ACBD6: variants seen among roughly 807,000 people sequenced by gnomAD.
ACBD6 encodes the protein acyl-CoA binding domain containing 6, also known as acyl-CoA-binding domain-containing protein 6.
ACBD6 carries 28 observed loss-of-function variants against 37.2 expected under a neutral mutation model. The ratio of observed to expected loss-of-function variants is 0.75; its 90% CI spans 0.56 to 1.03. The LOEUF (loss-of-function observed/expected upper bound fraction) is 1.03, where lower values mean the gene tolerates loss of function less well. Among genes scored for constraint, ACBD6 ranks in the 50% least tolerant of loss-of-function variants. The pLI is 0.00. For missense variants in ACBD6, 340 were observed against 337.4 expected, an observed-to-expected ratio of 1.01 and a Z score of -0.06; for synonymous variants, 113 against 126.8, an observed-to-expected ratio of 0.89 and a Z score of 0.73.
At chr1:180,375,257 T>G (rs1366424876) in intron 6 of ACBD6, among the ~76,000 whole-genome samples, 1 of 152,168 alleles carries the variant, frequency 6.6e-6, no homozygotes, top group African/African-American at 2.4e-5. Flanking sequence ...GAAGAGGTTA[T>G]GAAGTCCAAA....
intron 3 of ACBD6, among the ~76,000 whole-genome samples, chr1:180,490,219 T>G (rs1651439417): frequency 6.6e-6 from 1 of 152,212 alleles, no homozygotes; most frequent in Admixed American, 6.5e-5. Context: ...TGAGTTCAGC[T>G]CAGGGGGCAC....
In ACBD6 at chr1:180,333,411, G is replaced by C. The variant is rs377575834; in HGVS notation, c.664-18689C>G. Among the ~76,000 whole-genome samples, 23 of 152,256 alleles carry C rather than the reference G, an allele frequency of 1.5e-4. No individual in the cohort carries two copies. In the East Asian group the frequency reaches 4.4e-3, roughly 29 times the overall value. On this transcript the variant is annotated intron_variant, in intron 6 of 7. Transcript: ENST00000367595. ...ATTGCATGCTCATGACAATGAGTAT[G>C]AAAAAGGCAAATAATGTCTTGGAAT...
At chr1:180,462,250 A>G (rs78190177) in intron 3 of ACBD6, among the ~76,000 whole-genome samples, 1 of 152,156 alleles carries the variant, frequency 6.6e-6, no homozygotes, top group African/African-American at 2.4e-5. Context: ...AATAAAAAAA[A>G]AAGTAAATGG....
chr1:180,387,169 T>C (rs963274089), intron 6 of ACBD6, among the ~76,000 whole-genome samples: 9 of 152,196 alleles, frequency 5.9e-5, no homozygotes, highest in Non-Finnish European at 1.2e-4. Flanking sequence ...TGTGAAAATG[T>C]AGGCACTATT....
At chr1:180,430,126 TGCACAC>T in intron 4 of ACBD6, 48 bp downstream of exon 4, 1 of 1,457,894 alleles carries the variant, frequency 6.9e-7, no homozygotes. Context: ...TACAAACACA[TGCACAC>T]ACACAGGCAT....
intron 10 of ACBD6, chr1:180,274,128 C>A: frequency 6.2e-7 from 1 of 1,603,140 alleles, no homozygotes; most frequent in South Asian, 1.1e-5. Context: ...TTGTGAAGAG[C>A]AGGGGACCAT....
chr1:180,285,872 C>T (rs1177920569), downstream of ACBD6, among the ~76,000 whole-genome samples: 1 of 151,102 alleles, frequency 6.6e-6, no homozygotes, highest in African/African-American at 2.4e-5. Context: ...TACCCTTCTA[C>T]CTGACAAGCA....
chr1:180,382,650 C>T (rs1040838030), intron 6 of ACBD6, among the ~76,000 whole-genome samples: 1 of 152,124 alleles, frequency 6.6e-6, no homozygotes, highest in African/African-American at 2.4e-5. Context: ...CACCAGTTCT[C>T]AAACCATTCT....
chr1:180,287,554 G>C (rs2764461), downstream of ACBD6, among the ~76,000 whole-genome samples: 870 of 138,660 alleles, frequency 6.3e-3, 9 homozygotes, highest in African/African-American at 0.021. Flanking sequence ...TAGACCCAAA[G>C]AGACCTAACA....
In ACBD6 at chr1:180,288,465, A is replaced by T. The variant is rs1406510847; in HGVS notation, c.747T>A (p.Ala249=). The T allele has an allele frequency of 6.2e-7, 1 of 1,613,840 alleles. No homozygotes were observed. Among genetic ancestry groups the T allele is most frequent in the Admixed American group, 1.7e-5 (1 of 59,980 alleles). The change falls in exon 8 of 8, where the codon GCT becomes GCA. Residue 249 remains alanine (A), a synonymous_variant. Transcript: ENST00000367595. ...DIVELLLQSG[A]DPTLRDQDGC... is the part of the protein sequence containing the mutation. ...CATCCTGGTCTCGGAGAGTGGGGTC[A>T]GCACCAGACTGGAGCAGCAGCTCTA...
chr1:180,328,143 G>C (rs939179684), intron 6 of ACBD6, among the ~76,000 whole-genome samples: 2 of 151,998 alleles, frequency 1.3e-5, no homozygotes, highest in Non-Finnish European at 2.9e-5. Flanking sequence ...GCATAAAATT[G>C]TGTAGCCCCT....
At chr1:180,467,505 C>T (rs1431896029) in intron 3 of ACBD6, among the ~76,000 whole-genome samples, 2 of 147,774 alleles carry the variant, frequency 1.4e-5, no homozygotes, top group African/African-American at 2.5e-5. Flanking sequence ...CTTAAATTAG[C>T]TGTACATGGT....
intron 3 of ACBD6, among the ~76,000 whole-genome samples, chr1:180,458,709 A>C (rs756352774): frequency 1.3e-5 from 2 of 152,206 alleles, no homozygotes; most frequent in African/African-American, 4.8e-5. Context: ...ATGAAAAGTT[A>C]TATCAAATGG....
At chr1:180,391,194 T>C (rs981491929) in intron 6 of ACBD6, among the ~76,000 whole-genome samples, 1 of 151,936 alleles carries the variant, frequency 6.6e-6, no homozygotes, top group African/African-American at 2.4e-5. Flanking sequence ...ATCAAAGACT[T>C]CAATGTAAGA....
chr1:180,348,395 C>A (rs1652275256), intron 6 of ACBD6, among the ~76,000 whole-genome samples: 1 of 152,074 alleles, frequency 6.6e-6, no homozygotes, highest in Non-Finnish European at 1.5e-5. Flanking sequence ...ATGATCAGTC[C>A]TGGGGTTCAG....
At chr1:180,321,252 C>T (rs558607145) in intron 6 of ACBD6, among the ~76,000 whole-genome samples, 9 of 152,088 alleles carry the variant, frequency 5.9e-5, no homozygotes, top group Non-Finnish European at 1.5e-5. Flanking sequence ...TCTTTTTGCT[C>T]AGCATAGCTT....
At position 180,502,402 on chromosome 1, in the gene ACBD6, G is replaced by A. The variant is rs951718826; in HGVS notation, c.-136C>T. 4 of 933,756 alleles carry A rather than the reference G, an allele frequency of 4.3e-6. No homozygotes were observed. Among genetic ancestry groups the A allele is most frequent in the South Asian group, 4.2e-5 (3 of 71,000 alleles). 57.8% of individuals were successfully genotyped at this position (933,756 alleles called of 1,614,324 possible). A position where few individuals can be genotyped will look rare whatever the true frequency, so the allele number is the denominator to read the frequency against. On this transcript the variant is annotated 5_prime_UTR_variant, in exon 1 of 8. Coordinates refer to ENST00000367595, the MANE Select transcript of ACBD6 (RefSeq NM_032360.4). Reference sequence around the variant, plus strand: ...TCGGACCCAAGCTCAGTCGCGGCGCGCTCCCTCACGTGACCCTGCTCCCTG... The same window carrying A: ...TCGGACCCAAGCTCAGTCGCGGCGCACTCCCTCACGTGACCCTGCTCCCTG...
intron 3 of ACBD6, among the ~76,000 whole-genome samples, chr1:180,457,943 C>G (rs539383155): frequency 7.9e-5 from 12 of 152,018 alleles, no homozygotes; most frequent in Non-Finnish European, 1.3e-4. Context: ...CAGGCGCCCA[C>G]CACCAAACCC....
intron 3 of ACBD6, among the ~76,000 whole-genome samples, chr1:180,487,872 G>A (rs146023716): frequency 2.4e-4 from 37 of 152,294 alleles, no homozygotes; most frequent in Admixed American, 7.2e-4. Context: ...CATTTACTTT[G>A]TGGATTGAAG....
Sources: gnomAD v4.1 joint callset for allele counts (sites outside exome capture counted in the v4.1 genomes callset) on GRCh38, gnomAD v4.1.1 for gene constraint, MANE v1.5 for transcripts, NCBI Gene and HGNC (gene_info 2026-07-23, HGNC 2026-07-21) for gene names.